The following RGSL1 variants were observed in gnomAD, a reference collection of about 807,000 sequenced individuals.
RGSL1 encodes regulator of G protein signaling protein-like.
In RGSL1, 97 loss-of-function variants were observed where a neutral mutation model predicts 124.7. The observed-to-expected ratio is 0.78, with a 90% CI of 0.66 to 0.92. The LOEUF (loss-of-function observed/expected upper bound fraction) is 0.92, where lower values mean the gene tolerates loss of function less well. Among genes scored for constraint, RGSL1 ranks in the 40% least tolerant of loss-of-function variants. RGSL1 has a pLI of 0.00. For synonymous variants in RGSL1, 424 were observed against 438.1 expected, an observed-to-expected ratio of 0.97 and a Z score of 0.40; for missense variants, 1,233 against 1,288.4, an observed-to-expected ratio of 0.96 and a Z score of 0.66.
At chr1:182,477,648 T>C (rs1654398232) in intron 6 of RGSL1, among the ~76,000 whole-genome samples, 1 of 152,146 alleles carries the variant, frequency 6.6e-6, no homozygotes, top group Admixed American at 6.6e-5. Flanking sequence ...CCTGCAGACC[T>C]TGAGACAGCC....
At chr1:182,559,568 T>C (rs1307639104) in intron 21 of RGSL1, among the ~76,000 whole-genome samples, 2 of 152,204 alleles carry the variant, frequency 1.3e-5, no homozygotes, top group Non-Finnish European at 2.9e-5. Context: ...TCCCACACAC[T>C]GAGAACAAAT....
intron 9 of RGSL1, among the ~76,000 whole-genome samples, chr1:182,509,728 A>C (rs1411826864): frequency 1.6e-4 from 17 of 104,794 alleles, no homozygotes; most frequent in African/African-American, 2.6e-4. Context: ...TGACCCCCCC[A>C]CCTCCCTCCC....
intron 9 of RGSL1, among the ~76,000 whole-genome samples, chr1:182,503,442 G>A (rs1283019400): frequency 6.6e-6 from 1 of 152,080 alleles, no homozygotes; most frequent in Non-Finnish European, 1.5e-5. Context: ...TGGAACTGGA[G>A]GTCATTATGT....
intron 6 of RGSL1, among the ~76,000 whole-genome samples, chr1:182,480,930 T>C (rs1407606080): frequency 6.6e-6 from 1 of 151,898 alleles, no homozygotes; most frequent in East Asian, 1.9e-4. Context: ...AAAAATAACA[T>C]ACCAAAACTT....
At chr1:182,496,358 G>C (rs1655911087) in intron 9 of RGSL1, among the ~76,000 whole-genome samples, 1 of 152,104 alleles carries the variant, frequency 6.6e-6, no homozygotes, top group African/African-American at 2.4e-5. Context: ...ATGAGATTTG[G>C]GCAGAGACAC....
chr1:182,466,140 C>T (rs540229877), intron 4 of RGSL1, among the ~76,000 whole-genome samples: 140 of 151,764 alleles, frequency 9.2e-4, no homozygotes, highest in African/African-American at 3.1e-3. Context: ...AAATGTCCAA[C>T]GAACTAGGAT....
chr1:182,508,225 C>T (rs1190784370), intron 9 of RGSL1, among the ~76,000 whole-genome samples: 1 of 149,230 alleles, frequency 6.7e-6, no homozygotes, highest in Non-Finnish European at 1.5e-5. Flanking sequence ...GCCATTTTAA[C>T]TAGGACGAGA....
At chr1:182,503,270 C>T (rs778022386) in intron 9 of RGSL1, among the ~76,000 whole-genome samples, 16 of 152,074 alleles carry the variant, frequency 1.1e-4, no homozygotes, top group Non-Finnish European at 2.1e-4. Flanking sequence ...CATCTTGATG[C>T]AAGATTTGCT....
Position 182,473,999 on chromosome 1 carries a change from A to AATC in RGSL1, c.890_891insCAT (p.Lys296_Met297insIle). On this transcript the variant is annotated inframe_insertion, in exon 6 of 22. Transcript: ENST00000294854. ...TGGTTATACAAATGCCTTCCCTGAAAATGGCTTCTTCAAAGGAAACAAGAA... is the reference window on the plus strand; with the variant it reads ...TGGTTATACAAATGCCTTCCCTGAAAATCATGGCTTCTTCAAAGGAAACAAGAA... 2 of 1,551,890 alleles carry AATC rather than the reference A, an allele frequency of 1.3e-6. No homozygotes were observed. The highest frequency in any genetic ancestry group is 1.7e-6 in the Non-Finnish European group (2 of 1,147,030).
intron 6 of RGSL1, among the ~76,000 whole-genome samples, chr1:182,484,483 A>G (rs1654941964): frequency 6.6e-6 from 1 of 152,160 alleles, no homozygotes; most frequent in African/African-American, 2.4e-5. Context: ...GGGCCAGGGT[A>G]CAGCAGCAAC....
At position 182,530,355 on chromosome 1, in the gene RGSL1, A is replaced by G; in HGVS notation, c.2237A>G (p.Glu746Gly). The part of the protein sequence containing the change: ...LQGHVMKSIE[E>G]KWFKDYQDLF... Reference sequence around the variant, plus strand: ...GGACATGTTATGAAATCTATAGAAGAAAAGTGGTGAGTATACTCAATTAAG... The same window carrying G: ...GGACATGTTATGAAATCTATAGAAGGAAAGTGGTGAGTATACTCAATTAAG... Residue 746 changes from glutamate (E) to glycine (G), a missense_variant, in exon 12 of 22, where the codon GAA (glutamate) becomes GGA (glycine). Physicochemically the swap from Glu to Gly is moderately conservative, Grantham distance 98 (BLOSUM62 -2). Coordinates refer to ENST00000294854, the MANE Select transcript of RGSL1 (RefSeq NM_001137669.2). 6.5e-7 allele frequency: 1 copy of G among 1,549,492 alleles called. No homozygotes were observed. The highest frequency in any genetic ancestry group is 8.7e-7 in the Non-Finnish European group (1 of 1,145,396).
intron 10 of RGSL1, among the ~76,000 whole-genome samples, chr1:182,524,424 T>A (rs530056539): frequency 1.3e-5 from 2 of 152,198 alleles, no homozygotes; most frequent in Admixed American, 6.5e-5. Flanking sequence ...AATACAGATG[T>A]ACAAAGCAAT....
At chr1:182,478,683 T>C (rs1171554465) in intron 6 of RGSL1, among the ~76,000 whole-genome samples, 4 of 152,052 alleles carry the variant, frequency 2.6e-5, no homozygotes, top group Non-Finnish European at 5.9e-5. Context: ...TTTAAAGAAA[T>C]AATGGCTGGA....
At chr1:182,501,079 G>A (rs1052579519) in intron 9 of RGSL1, among the ~76,000 whole-genome samples, 2 of 152,116 alleles carry the variant, frequency 1.3e-5, no homozygotes, top group Admixed American at 6.5e-5. Flanking sequence ...TGAGCTGAGG[G>A]GCAAAGCTTT....
chr1:182,484,034 C>G (rs906424669), intron 6 of RGSL1, among the ~76,000 whole-genome samples: 1 of 151,948 alleles, frequency 6.6e-6, no homozygotes, highest in African/African-American at 2.4e-5. Context: ...GACCCTGGGA[C>G]GGTGGGGCTC....
intron 9 of RGSL1, among the ~76,000 whole-genome samples, chr1:182,505,618 C>G (rs1232640652): frequency 2.0e-5 from 3 of 152,112 alleles, no homozygotes; most frequent in Non-Finnish European, 2.9e-5. Flanking sequence ...ATCTTTTAAT[C>G]CATGGATTTG....
intron 9 of RGSL1, among the ~76,000 whole-genome samples, chr1:182,520,067 C>T (rs1432493008): frequency 6.6e-6 from 1 of 151,982 alleles, no homozygotes; most frequent in Non-Finnish European, 1.5e-5. Flanking sequence ...TTTAAAATAT[C>T]TTGTTATTTC....
chr1:182,513,971 G>T (rs1211646511), intron 9 of RGSL1, among the ~76,000 whole-genome samples: 1 of 148,162 alleles, frequency 6.7e-6, no homozygotes, highest in South Asian at 2.1e-4. Flanking sequence ...TTGGCTCACT[G>T]CAACCTCCAT....
Position 182,551,203 on chromosome 1 carries a change from A to G in RGSL1, c.3037A>G (p.Ser1013Gly), listed in dbSNP as rs1221132019. 1 of 1,549,156 alleles carries G rather than the reference A, an allele frequency of 6.5e-7. No homozygotes were observed. The highest frequency in any genetic ancestry group is 1.4e-5 in the African/African-American group (1 of 72,862). The stretch of plus-strand genomic sequence containing the variant: ...ATCTACGGACAAGTATCCTTTCTCG[A>G]GTGGAGGTAAGCTCCACCACGACTC... ...PKSTDKYPFSSGGDNAILRFT... is the reference protein window; with the variant it reads ...PKSTDKYPFSGGGDNAILRFT... The change falls in exon 18 of 22, where the codon AGT becomes GGT. Residue 1013 changes from serine to glycine, a missense_variant. Ser to Gly is a moderately conservative substitution (Grantham distance 56, BLOSUM62 0). Coordinates refer to ENST00000294854, the MANE Select transcript of RGSL1 (RefSeq NM_001137669.2).
Sources: gnomAD v4.1 joint callset for allele counts (sites outside exome capture counted in the v4.1 genomes callset) on GRCh38, gnomAD v4.1.1 for gene constraint, MANE v1.5 for transcripts, NCBI Gene and HGNC (gene_info 2026-07-23, HGNC 2026-07-21) for gene names.